ABTB2: variants seen among roughly 807,000 people sequenced by gnomAD.
The protein encoded by ABTB2 is ankyrin repeat and BTB/POZ domain-containing protein 2.
ABTB2 carries 56 observed loss-of-function variants against 104.1 expected under a neutral mutation model. The ratio of observed to expected loss-of-function variants is 0.54; its 90% CI spans 0.43 to 0.67. The LOEUF is 0.67. ABTB2 is among the 30% of genes least tolerant of loss of function. The pLI is 0.00. For missense variants in ABTB2, 1,279 were observed against 1,407.7 expected, an observed-to-expected ratio of 0.91 and a Z score of 1.46; for synonymous variants, 606 against 608.2, an observed-to-expected ratio of 1.00 and a Z score of 0.05.
intron 3 of ABTB2, among the ~76,000 whole-genome samples, chr11:34,175,052 G>A (rs114627368): frequency 1.3e-3 from 198 of 152,354 alleles, no homozygotes; most frequent in African/African-American, 4.5e-3. Context: ...ATGCAGCTAA[G>A]TGCTCCCGCC....
chr11:34,164,836 G>T lies in ABTB2; in HGVS notation c.1853-15C>A, dbSNP rs757143002. 3 of 1,585,432 alleles carry T rather than the reference G, an allele frequency of 1.9e-6. No individual in the cohort carries two copies. ...CTCATAGTTCCCTGAAAGAGAAGGT[G>T]GGCAGCACGGAGGACACTGAGACAG... On this transcript the variant is annotated splice_polypyrimidine_tract_variant and intron_variant, in intron 8 of 16. Coordinates refer to ENST00000435224, the MANE Select transcript of ABTB2 (RefSeq NM_145804.3).
intron 1 of ABTB2, among the ~76,000 whole-genome samples, chr11:34,214,897 A>G (rs935326452): frequency 1.3e-5 from 2 of 152,190 alleles, no homozygotes; most frequent in African/African-American, 4.8e-5. Context: ...TAGAAATTTT[A>G]CCAAAAAATG....
Position 34,348,284 on chromosome 11 carries a change from A to G in ABTB2, c.883+8417T>C, listed in dbSNP as rs150432502. ...ATGAGCTAGGGAGAAGACACACTCA[A>G]TTTCTGAATTATGAAAATAAGTTTT... On this transcript the variant is annotated intron_variant, in intron 1 of 16. Transcript: ENST00000435224. Among the ~76,000 whole-genome samples the G allele has an allele frequency of 1.3e-4, 20 of 152,262 alleles. No individual in the cohort carries two copies. The East Asian group carries it at 2.9e-3, about 22-fold the overall frequency.
At chr11:34,336,270 C>T (rs1443623628) in intron 1 of ABTB2, among the ~76,000 whole-genome samples, 2 of 152,150 alleles carry the variant, frequency 1.3e-5, no homozygotes. Flanking sequence ...TACACTTTTG[C>T]ATTTCACATT....
intron 1 of ABTB2, among the ~76,000 whole-genome samples, chr11:34,208,172 T>A (rs1853432379): frequency 6.6e-6 from 1 of 152,186 alleles, no homozygotes; most frequent in Non-Finnish European, 1.5e-5. Flanking sequence ...CTCGATGTGT[T>A]CCTTTCCCCA....
intron 8 of ABTB2, 88 bp downstream of exon 8, chr11:34,165,172 G>A (rs59376518): frequency 8.1e-7 from 1 of 1,238,682 alleles, no homozygotes; most frequent in Non-Finnish European, 1.1e-6. Context: ...GTGCTAAAGA[G>A]ACCCCTGCAC....
rs530683576 is a variant in ABTB2, at chr11:34,162,892, G to A, written c.1989-87C>T. The A allele has an allele frequency of 4.0e-4, 532 of 1,314,136 alleles. 1 individual carries two copies. The African/African-American group carries it at 6.9e-3, about 17-fold the overall frequency. 81.4% of individuals were successfully genotyped at this position (1,314,136 alleles called of 1,614,324 possible). Reference sequence around the variant, plus strand: ...CTGTCCCCCAGTGCCCTCCTGCCCCGACGGGCTGCTCTGGGGTACCCGAGG... The same window carrying A: ...CTGTCCCCCAGTGCCCTCCTGCCCCAACGGGCTGCTCTGGGGTACCCGAGG... On this transcript the variant is annotated intron_variant, in intron 9 of 16. Transcript: ENST00000435224.
At chr11:34,285,187 G>A (rs968407874) in intron 1 of ABTB2, among the ~76,000 whole-genome samples, 1 of 152,152 alleles carries the variant, frequency 6.6e-6, no homozygotes, top group South Asian at 2.1e-4. Flanking sequence ...CAACCGAGGG[G>A]ACCGGTGGGG....
chr11:34,181,274 C>G (rs1010030531), intron 3 of ABTB2, among the ~76,000 whole-genome samples: 1 of 152,074 alleles, frequency 6.6e-6, no homozygotes, highest in Non-Finnish European at 1.5e-5. Context: ...AAAAAACAAC[C>G]CTGTTGCACT....
chr11:34,295,566 T>C (rs1286167352), intron 1 of ABTB2, among the ~76,000 whole-genome samples: 1 of 152,196 alleles, frequency 6.6e-6, no homozygotes, highest in African/African-American at 2.4e-5. Flanking sequence ...GGCTAGGGAA[T>C]GAATGGGATG....
chr11:34,226,531 G>A (rs1021729370), intron 1 of ABTB2, among the ~76,000 whole-genome samples: 12 of 152,158 alleles, frequency 7.9e-5, no homozygotes, highest in African/African-American at 2.9e-4. Context: ...ACAATAACCT[G>A]AGAAGTTAAG....
At position 34,287,072 on chromosome 11, in the gene ABTB2, T is replaced by G. The variant is rs539034995; in HGVS notation, c.883+69629A>C. Among the ~76,000 whole-genome samples the G allele has an allele frequency of 2.2e-4, 34 of 151,868 alleles. No individual in the cohort carries two copies. In the South Asian group the frequency reaches 5.2e-3, roughly 23 times the overall value. On this transcript the variant is annotated intron_variant, in intron 1 of 16. Coordinates refer to ENST00000435224, the MANE Select transcript of ABTB2 (RefSeq NM_145804.3). Reference sequence around the variant, plus strand: ...AACTCATAGGACTTGGGCTGGGTGCTGTCATGGCTCATGCCTGTAATCCCA... The same window carrying G: ...AACTCATAGGACTTGGGCTGGGTGCGGTCATGGCTCATGCCTGTAATCCCA...
intron 1 of ABTB2, among the ~76,000 whole-genome samples, chr11:34,344,884 C>T (rs10734424): frequency 0.61 from 92,019 of 151,946 alleles, 30,052 homozygotes; most frequent in East Asian, 0.87. Context: ...CTTCCATACA[C>T]AGCTTTCCCC....
In ABTB2 at chr11:34,267,451, T is replaced by C. The variant is rs565681437; in HGVS notation, c.884-62761A>G. On this transcript the variant is annotated intron_variant, in intron 1 of 16. Transcript: ENST00000435224. ...CCATCCCACATTTCCATCCCCGTAG[T>C]TGAGAAACCCTAAACCTGGGCCCTG... Among the ~76,000 whole-genome samples, 417 of 152,296 alleles carry C rather than the reference T, an allele frequency of 2.7e-3. 3 individuals carry two copies. The highest frequency in any genetic ancestry group is 9.5e-3 in the African/African-American group (394 of 41,560).
rs1036851588 is a variant in ABTB2 at position 34,167,939 on chromosome 11, C to T, written c.1617G>A (p.Gln539=). 3 of 1,614,170 alleles carry T rather than the reference C, an allele frequency of 1.9e-6. No homozygotes were observed. Among genetic ancestry groups the T allele is most frequent in the Non-Finnish European group, 2.5e-6 (3 of 1,180,064 alleles). The change falls in exon 6 of 17, where the codon CAG becomes CAA. Residue 539 remains glutamine (Q), a synonymous_variant. Transcript: ENST00000435224. ...ACAAGDEAMV[Q]MLIDAGANLD... ...AGTTTGCCCCAGCATCAATCAACAT[C>T]TGGACCATCGCTTCGTCCCCAGCAG...
At chr11:34,317,920 AT>A (rs1854957355) in intron 1 of ABTB2, among the ~76,000 whole-genome samples, 1 of 151,540 alleles carries the variant, frequency 6.6e-6, no homozygotes, top group African/African-American at 2.4e-5. Context: ...CTAATATGTA[AT>A]TTTTCAACCC....
At chr11:34,274,068 C>T (rs941611435) in intron 1 of ABTB2, among the ~76,000 whole-genome samples, 1 of 136,774 alleles carries the variant, frequency 7.3e-6, no homozygotes, top group Non-Finnish European at 1.5e-5. Context: ...AGGAGAATGG[C>T]GTGAACCCGG....
At chr11:34,212,665 G>A (rs1853495617) in intron 1 of ABTB2, among the ~76,000 whole-genome samples, 1 of 152,282 alleles carries the variant, frequency 6.6e-6, no homozygotes, top group Non-Finnish European at 1.5e-5. Flanking sequence ...TGCAAACTCA[G>A]AGACAGCACT....
rs778263561 is a variant in ABTB2, at chr11:34,162,744, C to G, written c.2050G>C (p.Glu684Gln). 6.2e-7 allele frequency: 1 copy of G among 1,610,784 alleles called. No homozygotes were observed. The highest frequency in any genetic ancestry group is 8.5e-7 in the Non-Finnish European group (1 of 1,180,008). Residue 684 changes from glutamate to glutamine, a missense_variant, in exon 10 of 17, where the codon GAG becomes CAG. Glu to Gln is a conservative substitution (Grantham distance 29). Coordinates refer to ENST00000435224, the MANE Select transcript of ABTB2 (RefSeq NM_145804.3). ...TCCACACCCTCGGCCAGGATCTCCT[C>G]CAGGGACAGCACGTCCGCTTTAGCC... ...QQAKADVLSL[E>Q]EILAEGVEES... is the part of the protein sequence containing the mutation.
Sources: allele counts gnomAD v4.1 joint callset (sites outside exome capture counted in the v4.1 genomes callset), GRCh38; gene constraint gnomAD v4.1.1; transcripts MANE v1.5; gene names NCBI Gene and HGNC (gene_info 2026-07-23, HGNC 2026-07-21).